Variants in DGKH observed in about 807,000 individuals in gnomAD.
The protein encoded by DGKH is diacylglycerol kinase eta.
DGKH carries 90 observed loss-of-function variants against 159.3 expected under a neutral mutation model. The observed-to-expected ratio is 0.57, with a 90% CI of 0.48 to 0.67. DGKH has a LOEUF of 0.67. DGKH is among the 30% of genes least tolerant of loss of function. The probability of loss-of-function intolerance (pLI) is 0.00; values close to 1 mark genes in which losing one functional copy is unlikely to be tolerated. For synonymous variants in DGKH, 536 were observed against 553.8 expected (o/e 0.97, Z 0.45); for missense variants, 1,181 against 1,506.1 (o/e 0.78, Z 3.57).
Position 42,229,558 on chromosome 13 carries a change from T to C in DGKH, c.*370T>C, listed in dbSNP as rs2138286695. 6.1e-6 allele frequency: 1 copy of C among 163,892 alleles called. No homozygotes were observed. Among genetic ancestry groups the C allele is most frequent in the Middle Eastern group, 2.8e-3 (1 of 352 alleles). 10.2% of individuals were successfully genotyped at this position (163,892 alleles called of 1,614,324 possible). On this transcript the variant is annotated 3_prime_UTR_variant, in exon 30 of 30. Coordinates refer to ENST00000337343, the MANE Select transcript of DGKH (RefSeq NM_178009.5). ...CCTACTGTGCAACTGCATAACAATA[T>C]GTGGTTAAAACTTCCTAGGTTTCAT...
intron 21 of DGKH, among the ~76,000 whole-genome samples, chr13:42,207,943 T>C (rs1441620425): frequency 6.6e-6 from 1 of 152,068 alleles, no homozygotes; most frequent in African/African-American, 2.4e-5. Context: ...TGTCTGCTTG[T>C]CACTATTAAG....
intron 9 of DGKH, 128 bp downstream of exon 9, chr13:42,166,802 TAA>T (rs1345913688): frequency 1.3e-6 from 1 of 798,238 alleles, no homozygotes; most frequent in African/African-American, 1.8e-5. Flanking sequence ...GCTCTAATTA[TAA>T]GTTTTAACAC....
At chr13:42,151,607 A>ACC (rs1955903393) in intron 3 of DGKH, among the ~76,000 whole-genome samples, 1 of 132,640 alleles carries the variant, frequency 7.5e-6, no homozygotes, top group Non-Finnish European at 1.7e-5. Flanking sequence ...ACACACACAC[A>ACC]CACACACCCC....
intron 1 of DGKH, among the ~76,000 whole-genome samples, chr13:42,086,684 T>C (rs769791123): frequency 1.3e-5 from 2 of 152,212 alleles, no homozygotes; most frequent in Non-Finnish European, 2.9e-5. Context: ...TTCTAAACAA[T>C]GGTCTGTTTT....
intron 26 of DGKH, chr13:42,216,766 G>A (rs534755494): frequency 1.2e-4 from 19 of 152,280 alleles, no homozygotes; most frequent in African/African-American, 4.6e-4. Flanking sequence ...CTTTTACGAA[G>A]AAACATTGGT....
chr13:42,104,670 G>C (rs969556122), intron 1 of DGKH, among the ~76,000 whole-genome samples: 3 of 152,170 alleles, frequency 2.0e-5, no homozygotes, highest in African/African-American at 7.2e-5. Context: ...GTAGCTGGGA[G>C]GGTAAGTACT....
intron 1 of DGKH, among the ~76,000 whole-genome samples, chr13:42,084,161 A>T (rs536367833): frequency 6.6e-6 from 1 of 152,348 alleles, no homozygotes; most frequent in African/African-American, 2.4e-5. Context: ...AATATAAAAG[A>T]CAATAGACAT....
intron 1 of DGKH, chr13:42,070,539 C>T: frequency 1.4e-6 from 2 of 1,442,396 alleles, no homozygotes; most frequent in Non-Finnish European, 1.9e-6. Flanking sequence ...AAAGATGACT[C>T]TTACGGGAAT....
chr13:42,078,323 G>A (rs1224509541), intron 1 of DGKH, among the ~76,000 whole-genome samples: 3 of 152,186 alleles, frequency 2.0e-5, no homozygotes, highest in Admixed American at 1.3e-4. Context: ...GAGGTCAGGA[G>A]GCCGCTCCTA....
intron 12 of DGKH, among the ~76,000 whole-genome samples, 161 bp downstream of exon 12, chr13:42,174,305 TC>T (rs1956546812): frequency 6.6e-6 from 1 of 152,096 alleles, no homozygotes; most frequent in Non-Finnish European, 1.5e-5. Flanking sequence ...TCTAGTCCTC[TC>T]CCCCAGAGAG....
intron 5 of DGKH, among the ~76,000 whole-genome samples, chr13:42,157,834 C>T (rs1013984706): frequency 1.3e-5 from 2 of 152,200 alleles, no homozygotes; most frequent in Admixed American, 6.5e-5. Context: ...TGGCTCATTG[C>T]AACCTCTGCC....
At chr13:42,043,204 T>G (rs1880616790) in intron 1 of DGKH, among the ~76,000 whole-genome samples, 2 of 152,234 alleles carry the variant, frequency 1.3e-5, no homozygotes. Flanking sequence ...GATGTGTGTG[T>G]GTATATATAT....
chr13:42,214,446 C>CA (rs1043171036), intron 24 of DGKH, 61 bp from the exon 25 acceptor site: 101 of 1,511,938 alleles, frequency 6.7e-5, no homozygotes, highest in Non-Finnish European at 8.1e-5. Context: ...TTCTATACTT[C>CA]AAAAAAAATG....
At position 42,174,056 on chromosome 13, in the gene DGKH, T is replaced by G. The variant is rs1470514196; in HGVS notation, c.1368-4T>G. 4.3e-6 allele frequency: 7 copies of G among 1,611,404 alleles called. No homozygotes were observed. Among genetic ancestry groups the G allele is most frequent in the Non-Finnish European group, 5.1e-6 (6 of 1,179,024 alleles). On this transcript the variant is annotated splice_polypyrimidine_tract_variant and splice_region_variant and intron_variant, in intron 11 of 29. Transcript: ENST00000337343. Reference sequence around the variant, plus strand: ...CTTTGACCAAAGAGTTTTTCTCCCTTCAGGTGGAGTATAATGACATATGAA... The same window carrying G: ...CTTTGACCAAAGAGTTTTTCTCCCTGCAGGTGGAGTATAATGACATATGAA...
intron 7 of DGKH, 41 bp downstream of exon 7, chr13:42,160,177 C>T (rs760236496): frequency 6.2e-6 from 10 of 1,612,766 alleles, no homozygotes; most frequent in Non-Finnish European, 8.5e-6. Flanking sequence ...TAATTAGCTT[C>T]TTTCCCTAAC....
At chr13:42,223,948 T>G (rs774797869) in intron 29 of DGKH, among the ~76,000 whole-genome samples, 42 of 152,104 alleles carry the variant, frequency 2.8e-4, no homozygotes, top group Non-Finnish European at 5.1e-4. Context: ...ACTAGGTCCT[T>G]GTATATACCT....
intron 26 of DGKH, 138 bp from the exon 27 acceptor site, chr13:42,219,092 T>C (rs1242646659): frequency 1.0e-5 from 11 of 1,090,610 alleles, no homozygotes; most frequent in East Asian, 2.5e-5. Context: ...TTTATTCTTC[T>C]CTTAATATTC....
intron 1 of DGKH, among the ~76,000 whole-genome samples, chr13:42,060,817 C>T (rs193282816): frequency 2.6e-4 from 39 of 152,286 alleles, no homozygotes; most frequent in African/African-American, 8.9e-4. Flanking sequence ...ATTATTCTCT[C>T]CTTTTTAGAA....
intron 1 of DGKH, among the ~76,000 whole-genome samples, chr13:42,114,261 A>G (rs143621266): frequency 1.2e-4 from 18 of 152,298 alleles, no homozygotes; most frequent in African/African-American, 4.3e-4. Flanking sequence ...CCGCCACAAA[A>G]TAGGCACCTC....
Sources: gnomAD v4.1 joint callset for allele counts (sites outside exome capture counted in the v4.1 genomes callset) on GRCh38, gnomAD v4.1.1 for gene constraint, MANE v1.5 for transcripts, NCBI Gene and HGNC (gene_info 2026-07-23, HGNC 2026-07-21) for gene names.